Variants in FARS2 observed in about 807,000 individuals in gnomAD.
The protein encoded by FARS2 is phenylalanyl-tRNA synthetase 2, mitochondrial.
In FARS2, 40 loss-of-function variants were observed where a neutral mutation model predicts 46.4. The observed-to-expected ratio is 0.86, with a 90% confidence interval of 0.67 to 1.12. The LOEUF (loss-of-function observed/expected upper bound fraction) is 1.12. FARS2 is among the 50% of genes most tolerant of loss of function. FARS2 has a pLI of 0.00. For synonymous variants in FARS2, 234 were observed against 214.9 expected (o/e 1.09, Z -0.78); for missense variants, 513 against 567.9 (o/e 0.90, Z 0.98).
intron 4 of FARS2, among the ~76,000 whole-genome samples, chr6:5,533,141 C>T (rs923643976): frequency 2.6e-5 from 4 of 152,166 alleles, no homozygotes; most frequent in African/African-American, 7.2e-5. Flanking sequence ...GGACTTGCGA[C>T]GCTGTGCCTG....
rs1771479923 is a variant in FARS2, at chr6:5,553,411, C to T, written c.1065+8071C>T. Among the ~76,000 whole-genome samples the T allele has an allele frequency of 2.0e-5, 3 of 152,150 alleles. No individual in the cohort carries two copies. In the South Asian group the frequency reaches 6.2e-4, roughly 32 times the overall value. ...TGTCTTAATTTAATTTTCTCAGTAA[C>T]CCTCTGAGTTTGGGCGCTGTTATTC... On this transcript the variant is annotated intron_variant, in intron 5 of 6. Coordinates refer to ENST00000274680, the MANE Select transcript of FARS2 (RefSeq NM_006567.5).
At chr6:5,269,848 A>T (rs1290191738) in intron 1 of FARS2, among the ~76,000 whole-genome samples, 1 of 152,224 alleles carries the variant, frequency 6.6e-6, no homozygotes, top group African/African-American at 2.4e-5. Flanking sequence ...CAGAGAATTC[A>T]TGATTTCTTT....
chr6:5,324,217 T>C (rs1288314080), intron 1 of FARS2, among the ~76,000 whole-genome samples: 1 of 152,178 alleles, frequency 6.6e-6, no homozygotes, highest in Non-Finnish European at 1.5e-5. Context: ...ACTCTTACAG[T>C]AGTGACAAAC....
At position 5,440,210 on chromosome 6, in the gene FARS2, CTT is replaced by C. The variant is rs528579021; in HGVS notation, c.904+9040_904+9041del. Among the ~76,000 whole-genome samples, 7 of 152,128 alleles carry C rather than the reference CTT, an allele frequency of 4.6e-5. No homozygotes were observed. In the South Asian group the frequency reaches 1.5e-3, roughly 32 times the overall value. ...TTAATTCCTATATAAAACTGTAAAT[CTT>C]TATGCATATTTATAATTGTCAGATA... is the stretch of plus-strand genomic sequence containing the variant. On this transcript the variant is annotated intron_variant, in intron 4 of 6. Transcript: ENST00000274680.
At chr6:5,679,091 G>T (rs1449133730) in intron 6 of FARS2, among the ~76,000 whole-genome samples, 6 of 152,200 alleles carry the variant, frequency 3.9e-5, no homozygotes, top group Non-Finnish European at 8.8e-5. Flanking sequence ...CCAGAGGCTT[G>T]TCCTTAGGAA....
At chr6:5,663,135 G>T (rs1224208878) in intron 6 of FARS2, among the ~76,000 whole-genome samples, 2 of 152,074 alleles carry the variant, frequency 1.3e-5, no homozygotes, top group African/African-American at 2.4e-5. Context: ...AAATAATATG[G>T]TTCACAGTAA....
chr6:5,339,900 A>G (rs1313448713), intron 1 of FARS2, among the ~76,000 whole-genome samples: 1 of 152,230 alleles, frequency 6.6e-6, no homozygotes, highest in Non-Finnish European at 1.5e-5. Context: ...TGGTTGGTTC[A>G]CTTTTATCAT....
intron 6 of FARS2, among the ~76,000 whole-genome samples, chr6:5,671,222 A>G (rs750882090): frequency 2.0e-5 from 3 of 152,180 alleles, no homozygotes; most frequent in Non-Finnish European, 2.9e-5. Context: ...GCTGAGGAGG[A>G]GGAAGTTGCA....
intron 4 of FARS2, among the ~76,000 whole-genome samples, chr6:5,541,370 C>T (rs1770623341): frequency 6.6e-6 from 1 of 152,162 alleles, no homozygotes; most frequent in African/African-American, 2.4e-5. Flanking sequence ...ACTTTTAAAA[C>T]ATAGCTACAT....
chr6:5,389,569 T>A (rs1760356427), intron 2 of FARS2, among the ~76,000 whole-genome samples: 1 of 152,232 alleles, frequency 6.6e-6, no homozygotes, highest in African/African-American at 2.4e-5. Context: ...CTGTGGTGTA[T>A]CCCATCAGAC....
intron 4 of FARS2, among the ~76,000 whole-genome samples, chr6:5,483,055 G>A (rs531371722): frequency 6.1e-4 from 93 of 152,142 alleles, no homozygotes; most frequent in Non-Finnish European, 9.1e-4. Context: ...GCACTCCTTG[G>A]GTCCATGTAC....
At chr6:5,550,075 G>A (rs1230909156) in intron 5 of FARS2, among the ~76,000 whole-genome samples, 2 of 152,098 alleles carry the variant, frequency 1.3e-5, no homozygotes, top group Non-Finnish European at 2.9e-5. Context: ...AATACAATGA[G>A]TAGGATAGGC....
At chr6:5,725,360 C>T (rs746600767) in intron 6 of FARS2, among the ~76,000 whole-genome samples, 4 of 152,118 alleles carry the variant, frequency 2.6e-5, no homozygotes, top group African/African-American at 9.7e-5. Flanking sequence ...GTTGGAACTG[C>T]GTTTGATGAT....
intron 2 of FARS2, among the ~76,000 whole-genome samples, chr6:5,372,701 G>A (rs1354324325): frequency 6.6e-6 from 1 of 152,074 alleles, no homozygotes; most frequent in African/African-American, 2.4e-5. Flanking sequence ...ACTTTGAACT[G>A]CTCAAATGTG....
intron 6 of FARS2, among the ~76,000 whole-genome samples, chr6:5,769,877 ATC>A (rs1762945828): frequency 6.6e-6 from 1 of 152,204 alleles, no homozygotes; most frequent in African/African-American, 2.4e-5. Flanking sequence ...ATAGCAGCTT[ATC>A]TTCCCTGAAA....
Position 5,521,218 on chromosome 6 carries a change from G to C in FARS2, c.905-23962G>C, listed in dbSNP as rs530017284. On this transcript the variant is annotated intron_variant, in intron 4 of 6. Transcript: ENST00000274680. Reference sequence around the variant, plus strand: ...AGAAGATCCTGATGATTTCTTTTGAGGTTTTATGTAAGATTTAGGTTTTGG... The same window carrying C: ...AGAAGATCCTGATGATTTCTTTTGACGTTTTATGTAAGATTTAGGTTTTGG... Among the ~76,000 whole-genome samples the C allele has an allele frequency of 8.5e-5, 13 of 152,174 alleles. No individual in the cohort carries two copies. In the East Asian group the frequency reaches 1.7e-3, roughly 20 times the overall value.
intron 4 of FARS2, among the ~76,000 whole-genome samples, chr6:5,518,792 A>G (rs543651196): frequency 1.1e-4 from 17 of 152,310 alleles, no homozygotes; most frequent in African/African-American, 3.4e-4. Context: ...AACATTTGTA[A>G]CTAATAATTC....
chr6:5,409,826 A>G (rs940203759), intron 3 of FARS2, among the ~76,000 whole-genome samples: 1 of 152,176 alleles, frequency 6.6e-6, no homozygotes, highest in African/African-American at 2.4e-5. Flanking sequence ...CCTCATTCAC[A>G]CACCCTTGCC....
intron 5 of FARS2, among the ~76,000 whole-genome samples, chr6:5,565,928 T>C (rs1772297264): frequency 6.6e-6 from 1 of 152,244 alleles, no homozygotes; most frequent in Non-Finnish European, 1.5e-5. Flanking sequence ...CATTAGTTTA[T>C]TAATGTTAAC....
Sources: gnomAD v4.1 joint callset for allele counts (sites outside exome capture counted in the v4.1 genomes callset) on GRCh38, gnomAD v4.1.1 for gene constraint, MANE v1.5 for transcripts, NCBI Gene and HGNC (gene_info 2026-07-23, HGNC 2026-07-21) for gene names.